ACKR2: variants seen among roughly 807,000 people sequenced by gnomAD.
ACKR2 encodes C-C chemokine receptor D6.
For missense variants in ACKR2, 457 were observed against 477.3 expected (o/e 0.96, Z 0.40); for synonymous variants, 207 against 192.2 (o/e 1.08, Z -0.64).
At position 42,866,424 on chromosome 3, in the gene ACKR2, C is replaced by G. The variant is rs1486353381; in HGVS notation, c.*767C>G. On this transcript the variant is annotated 3_prime_UTR_variant, in exon 3 of 3. Coordinates refer to ENST00000422265, the MANE Select transcript of ACKR2 (RefSeq NM_001296.5). ...TCTCTTGACCTTGGGATCCACCCGC[C>G]TTGGCCTCCCAAAGTGCTGGGATTA... The G allele has an allele frequency of 6.3e-6, 1 of 158,416 alleles. No individual in the cohort carries two copies. Among genetic ancestry groups the G allele is most frequent in the African/African-American group, 2.4e-5 (1 of 41,394 alleles). The allele number at this position is 158,416 out of a possible 1,614,324, so 9.8% of individuals were successfully genotyped here.
chr3:42,818,248 C>T (rs1202966738), intron 1 of ACKR2, among the ~76,000 whole-genome samples: 1 of 152,206 alleles, frequency 6.6e-6, no homozygotes, highest in East Asian at 1.9e-4. Context: ...TGCACTTTCT[C>T]CTAAATTCCC....
chr3:42,830,122 C>G (rs1480847837), intron 2 of ACKR2, among the ~76,000 whole-genome samples: 1 of 152,198 alleles, frequency 6.6e-6, no homozygotes, highest in African/African-American at 2.4e-5. Context: ...GAGGCTTCCT[C>G]TTTCCTGCCT....
chr3:42,832,572 C>G (rs1700941652), intron 2 of ACKR2, among the ~76,000 whole-genome samples: 1 of 151,900 alleles, frequency 6.6e-6, no homozygotes, highest in African/African-American at 2.4e-5. Flanking sequence ...ATGCAAAAAC[C>G]TGCACCAGTT....
rs114793547 is a variant in ACKR2 at position 42,854,846 on chromosome 3, C to T, written c.-37-9620C>T. 2.7e-3 allele frequency among the ~76,000 whole-genome samples: 403 copies of T among 151,028 alleles called. 3 individuals are homozygous for T. Among genetic ancestry groups the T allele is most frequent in the African/African-American group, 9.1e-3 (373 of 41,178 alleles). ...CCTGGGCAACCAGCAAAGACTGAAT[C>T]ATACCTTTCTTTTTTTTTTTTTTTT... On this transcript the variant is annotated intron_variant, in intron 2 of 2. Transcript: ENST00000422265.
intron 1 of ACKR2, among the ~76,000 whole-genome samples, chr3:42,809,877 G>A (rs1399296033): frequency 6.6e-6 from 1 of 150,470 alleles, no homozygotes; most frequent in Non-Finnish European, 1.5e-5. Flanking sequence ...AAAAAAAAAA[G>A]TTGGGGAAGC....
chr3:42,825,741 A>T (rs1700856110), intron 2 of ACKR2, among the ~76,000 whole-genome samples: 2 of 152,002 alleles, frequency 1.3e-5, no homozygotes, highest in Non-Finnish European at 2.9e-5. Context: ...AAATGCCAGT[A>T]CAATGTCAAA....
At chr3:42,833,433 C>G (rs1700952605) in intron 2 of ACKR2, among the ~76,000 whole-genome samples, 2 of 151,942 alleles carry the variant, frequency 1.3e-5, no homozygotes, top group South Asian at 4.1e-4. Flanking sequence ...TGCATAAGTT[C>G]TTTAGTGGTG....
intron 2 of ACKR2, among the ~76,000 whole-genome samples, chr3:42,844,969 C>T (rs1440913266): frequency 6.6e-6 from 1 of 152,148 alleles, no homozygotes; most frequent in African/African-American, 2.4e-5. Flanking sequence ...TGTCCACACT[C>T]AGGGTAGTCC....
chr3:42,864,838 C>T lies in ACKR2; in HGVS notation c.336C>T (p.Phe112=), dbSNP rs763068680. ...TCTCCGTGGCCTGGCATTGGGTCTT[C>T]GGGAGTTTCTTGTGCAAGATGGTGA... ...WGISVAWHWV[F]GSFLCKMVST... The change falls in exon 3 of 3, where the codon TTC becomes TTT. Residue 112 remains phenylalanine (F), a synonymous_variant. Transcript: ENST00000422265. 72 of 1,614,032 alleles carry T rather than the reference C, an allele frequency of 4.5e-5. No homozygotes were observed. Among genetic ancestry groups the T allele is most frequent in the Non-Finnish European group, 5.8e-5 (69 of 1,180,030 alleles).
At chr3:42,832,118 G>A (rs2125609009) in intron 2 of ACKR2, among the ~76,000 whole-genome samples, 1 of 152,226 alleles carries the variant, frequency 6.6e-6, no homozygotes, top group East Asian at 1.9e-4. Flanking sequence ...TTCCTCTAGT[G>A]GCAACTGCAC....
intron 1 of ACKR2, among the ~76,000 whole-genome samples, chr3:42,813,289 C>CT (rs1700714077): frequency 6.6e-6 from 1 of 152,084 alleles, no homozygotes; most frequent in South Asian, 2.1e-4. Flanking sequence ...AATCTTGGTT[C>CT]AGTTTGCCCT....
At chr3:42,821,783 G>A (rs558095767) in intron 2 of ACKR2, among the ~76,000 whole-genome samples, 19 of 151,894 alleles carry the variant, frequency 1.3e-4, no homozygotes, top group African/African-American at 4.6e-4. Context: ...TGCAAGCTCC[G>A]ATTCCCGGGT....
chr3:42,865,888 T>G lies in ACKR2; in HGVS notation c.*231T>G. On this transcript the variant is annotated 3_prime_UTR_variant, in exon 3 of 3. Coordinates refer to ENST00000422265, the MANE Select transcript of ACKR2 (RefSeq NM_001296.5). ...AATTGCTACAATCTTTCTTCCTTCC[T>G]TCCTTGCTTCCTTCCTTCCTTCCTT... 2.1e-6 allele frequency: 1 copy of G among 487,248 alleles called. No homozygotes were observed. The allele number at this position is 487,248 out of a possible 1,614,324, so 30.2% of individuals were successfully genotyped here. A position where few individuals can be genotyped will look rare whatever the true frequency, so the allele number is the denominator to read the frequency against.
At chr3:42,850,074 C>T (rs1374140054) in intron 2 of ACKR2, among the ~76,000 whole-genome samples, 1 of 151,844 alleles carries the variant, frequency 6.6e-6, no homozygotes, top group Non-Finnish European at 1.5e-5. Context: ...AAAAAGGAGC[C>T]CAGGTCCTAG....
In ACKR2 at chr3:42,864,454, T is replaced by G. The variant is rs2125626373; in HGVS notation, c.-37-12T>G. The G allele has an allele frequency of 8.5e-6, 13 of 1,537,824 alleles. No homozygotes were observed. The highest frequency in any genetic ancestry group is 1.1e-5 in the Non-Finnish European group (13 of 1,145,562). On this transcript the variant is annotated splice_polypyrimidine_tract_variant and intron_variant, in intron 2 of 2. Coordinates refer to ENST00000422265, the MANE Select transcript of ACKR2 (RefSeq NM_001296.5). ...AGAGAATGCTAGGTCTCACCATATT[T>G]TCCCCCCGCAGCACTACAGGACGTC...
intron 1 of ACKR2, among the ~76,000 whole-genome samples, chr3:42,816,815 C>G (rs1256028031): frequency 6.6e-6 from 1 of 152,114 alleles, no homozygotes; most frequent in African/African-American, 2.4e-5. Context: ...ACCTCAGCCT[C>G]CCAAAGTGCT....
chr3:42,860,287 GCAACACGAAGAGCTAACTAT>G (rs2125624392), intron 2 of ACKR2, among the ~76,000 whole-genome samples: 1 of 150,994 alleles, frequency 6.6e-6, no homozygotes, highest in East Asian at 2.0e-4. Context: ...AGGGATCAAT[GCAACACGAAGAGCTAACTAT>G]CCTAAATATA....
intron 2 of ACKR2, among the ~76,000 whole-genome samples, chr3:42,860,961 G>A (rs1266933324): frequency 1.3e-5 from 2 of 151,972 alleles, no homozygotes; most frequent in Non-Finnish European, 2.9e-5. Context: ...AACTAGAGAA[G>A]CAAAAGCAAA....
At position 42,824,086 on chromosome 3, in the gene ACKR2, G is replaced by A. The variant is rs550849188; in HGVS notation, c.-38+4375G>A. 3.9e-5 allele frequency among the ~76,000 whole-genome samples: 6 copies of A among 152,030 alleles called. No homozygotes were observed. The South Asian group carries it at 1.0e-3, about 26-fold the overall frequency. ...GCATAAATAAATGTGTTTAAACTTG[G>A]GTCTCATCCCATAGATATCTCATTA... is the stretch of plus-strand genomic sequence containing the variant. On this transcript the variant is annotated intron_variant, in intron 2 of 2. Transcript: ENST00000422265.
Sources: allele counts gnomAD v4.1 joint callset (sites outside exome capture counted in the v4.1 genomes callset), GRCh38; gene constraint gnomAD v4.1.1; transcripts MANE v1.5; gene names NCBI Gene and HGNC (gene_info 2026-07-23, HGNC 2026-07-21).